Variants in ERGIC1 observed in about 807,000 individuals in gnomAD.
The protein encoded by ERGIC1 is endoplasmic reticulum-golgi intermediate compartment 1, also known as endoplasmic reticulum-Golgi intermediate compartment protein 1.
A neutral mutation model predicts 38.3 loss-of-function variants in ERGIC1; 19 were observed. That is an observed-to-expected ratio of 0.50 (90% CI 0.35 to 0.73). ERGIC1 has a LOEUF of 0.73. Ranked by LOEUF, ERGIC1 falls within the 30% of genes least tolerant of loss-of-function variation. The pLI is 0.01. For synonymous variants in ERGIC1, 124 were observed against 157.6 expected (o/e 0.79, Z 1.60); for missense variants, 294 against 389.2 (o/e 0.76, Z 2.06).
intron 2 of ERGIC1, among the ~76,000 whole-genome samples, chr5:172,894,132 CTTTTT>C (rs781661227): frequency 0.033 from 349 of 10,478 alleles, 6 homozygotes; most frequent in African/African-American, 0.09. Context: ...GCTGATGATA[CTTTTT>C]TTTTTTTTTT....
rs570022178 is a variant in ERGIC1 at position 172,906,590 on chromosome 5, A to G, written c.156-3077A>G. On this transcript the variant is annotated intron_variant, in intron 3 of 9. Transcript: ENST00000393784. ...CACACCGGGTGCTAGGGGCGCAAAGATGTGGTCTTAGTAAAAACGAAATTC... is the reference window on the plus strand; with the variant it reads ...CACACCGGGTGCTAGGGGCGCAAAGGTGTGGTCTTAGTAAAAACGAAATTC... 2.0e-5 allele frequency among the ~76,000 whole-genome samples: 3 copies of G among 152,174 alleles called. No individual in the cohort carries two copies. In the South Asian group the frequency reaches 6.2e-4, roughly 32 times the overall value.
chr5:172,945,667 TTG>T (rs1304944950), intron 9 of ERGIC1, among the ~76,000 whole-genome samples: 176 of 152,060 alleles, frequency 1.2e-3, no homozygotes, highest in African/African-American at 3.9e-3. Flanking sequence ...CGCAGGGGTT[TTG>T]TCGTTTTATT....
rs1561694767 is a variant in ERGIC1 at position 172,834,589 on chromosome 5, C to CA, written c.20+156_20+157insA. On this transcript the variant is annotated intron_variant, in intron 1 of 9. Transcript: ENST00000393784. This position sits in a 1 kb window ranked among gnomAD's most constrained non-coding sequence, Gnocchi z 4.1. ...TAGGGACCCCAGGCGAGCCCCCCCC[C>CA]TGCCGCACACGAAGCCAGCCAGAGC... Among the ~76,000 whole-genome samples, 5 of 136,552 alleles carry CA rather than the reference C, an allele frequency of 3.7e-5. No homozygotes were observed. The highest frequency in any genetic ancestry group is 6.4e-5 in the Non-Finnish European group (4 of 62,938). The allele number at this position is 136,552 out of a possible 152,430, so 89.6% of individuals were successfully genotyped here. A position where few individuals can be genotyped will look rare whatever the true frequency, so the allele number is the denominator to read the frequency against.
intron 1 of ERGIC1, among the ~76,000 whole-genome samples, chr5:172,844,836 C>T (rs1000613291): frequency 1.3e-5 from 2 of 152,206 alleles, no homozygotes; most frequent in Non-Finnish European, 2.9e-5. Context: ...GTGACACACC[C>T]TTCCTGCACA....
chr5:172,880,545 C>CA (rs1244946886), intron 1 of ERGIC1, among the ~76,000 whole-genome samples: 1 of 152,116 alleles, frequency 6.6e-6, no homozygotes, highest in Non-Finnish European at 1.5e-5. Flanking sequence ...AGGCTGATCT[C>CA]AAACTCCTGA....
intron 1 of ERGIC1, among the ~76,000 whole-genome samples, chr5:172,841,178 A>G (rs1179341358): frequency 6.6e-6 from 1 of 152,226 alleles, no homozygotes; most frequent in African/African-American, 2.4e-5. Flanking sequence ...CATTGATTGT[A>G]TATGTGGGAA....
chr5:172,919,667 C>T (rs1763461141), intron 5 of ERGIC1, among the ~76,000 whole-genome samples: 1 of 152,212 alleles, frequency 6.6e-6, no homozygotes, highest in South Asian at 2.1e-4. Flanking sequence ...ATAATAATAC[C>T]TCACAGGCTG....
chr5:172,927,569 C>T (rs1763683522), intron 7 of ERGIC1, among the ~76,000 whole-genome samples: 1 of 149,724 alleles, frequency 6.7e-6, no homozygotes, highest in African/African-American at 2.5e-5. Flanking sequence ...CATCTTGCAG[C>T]TCTGCTGTGC....
intron 1 of ERGIC1, among the ~76,000 whole-genome samples, chr5:172,871,970 G>C (rs1762022218): frequency 6.6e-6 from 1 of 152,156 alleles, no homozygotes; most frequent in African/African-American, 2.4e-5. Context: ...AAGCCCTTTT[G>C]CCTGGGATTG....
At chr5:172,852,712 C>A (rs1044655186) in intron 1 of ERGIC1, among the ~76,000 whole-genome samples, 1 of 152,268 alleles carries the variant, frequency 6.6e-6, no homozygotes, top group African/African-American at 2.4e-5. Context: ...TTGCCAACAA[C>A]TTACCGTGTC....
intron 1 of ERGIC1, among the ~76,000 whole-genome samples, chr5:172,885,873 C>T (rs898632723): frequency 3.3e-5 from 5 of 152,174 alleles, no homozygotes; most frequent in Admixed American, 6.5e-5. Flanking sequence ...TCTGCAGACG[C>T]GTCTCATTTG....
At chr5:172,860,922 G>A (rs570991919) in intron 1 of ERGIC1, among the ~76,000 whole-genome samples, 31 of 152,338 alleles carry the variant, frequency 2.0e-4, no homozygotes, top group African/African-American at 7.5e-4. Flanking sequence ...CGGCGAGAGC[G>A]GATGTAGGCT....
intron 1 of ERGIC1, among the ~76,000 whole-genome samples, chr5:172,887,863 G>A (rs2113258349): frequency 6.6e-6 from 1 of 152,320 alleles, no homozygotes. Context: ...GTCTCCATGA[G>A]GCAGACAGCA....
At chr5:172,894,132 C>CTTTT (rs781661227) in intron 2 of ERGIC1, among the ~76,000 whole-genome samples, 158 of 10,480 alleles carry the variant, frequency 0.015, 30 homozygotes, top group African/African-American at 0.052. Flanking sequence ...GCTGATGATA[C>CTTTT]TTTTTTTTTT....
chr5:172,844,050 G>A (rs1042574673), intron 1 of ERGIC1, among the ~76,000 whole-genome samples: 3 of 152,190 alleles, frequency 2.0e-5, no homozygotes, highest in Admixed American at 1.3e-4. Context: ...GTAGGTGGAC[G>A]TGGTAAAACC....
rs558885138 is a variant in ERGIC1 at position 172,902,470 on chromosome 5, C to T, written c.155+5396C>T. On this transcript the variant is annotated intron_variant, in intron 3 of 9. Coordinates refer to ENST00000393784, the MANE Select transcript of ERGIC1 (RefSeq NM_001031711.3). ...CTGAGGGCGTCTGAGTGTGGAGTGA[C>T]GGGTTTATGTCTCAGACAGCTCACC... is the stretch of plus-strand genomic sequence containing the variant. Among the ~76,000 whole-genome samples, 24 of 152,270 alleles carry T rather than the reference C, an allele frequency of 1.6e-4. No individual in the cohort carries two copies. In the South Asian group the frequency reaches 4.3e-3, roughly 28 times the overall value.
intron 5 of ERGIC1, among the ~76,000 whole-genome samples, chr5:172,919,548 G>A (rs1009762126): frequency 6.6e-5 from 10 of 152,216 alleles, no homozygotes; most frequent in African/African-American, 2.4e-4. Context: ...TTGTCCTTTG[G>A]GGTCAGACAG....
At position 172,846,368 on chromosome 5, in the gene ERGIC1, C is replaced by T. The variant is rs1354264404; in HGVS notation, c.20+11935C>T. On this transcript the variant is annotated intron_variant, in intron 1 of 9. Transcript: ENST00000393784. The surrounding 1 kb of genome is among the most constrained non-coding windows in gnomAD (Gnocchi z 4.0). ...GGGCACTTTGAGTCACTTCTGAGCC[C>T]AGCAGCGTAAGATGGGGCAGGAGAA... Among the ~76,000 whole-genome samples, 1 of 152,242 alleles carries T rather than the reference C, an allele frequency of 6.6e-6. No individual in the cohort carries two copies. The highest frequency in any genetic ancestry group is 2.4e-5 in the African/African-American group (1 of 41,456).
At chr5:172,904,926 G>GCCGTCCCTGCCCAGCA (rs1320848659) in intron 3 of ERGIC1, among the ~76,000 whole-genome samples, 6 of 152,198 alleles carry the variant, frequency 3.9e-5, no homozygotes, top group Non-Finnish European at 7.3e-5. Flanking sequence ...AGCGCCTCAG[G>GCCGTCCCTGCCCAGCA]CCGTCCCTGC....
Sources: allele counts gnomAD v4.1 joint callset (sites outside exome capture counted in the v4.1 genomes callset), GRCh38; gene constraint gnomAD v4.1.1; non-coding constraint Gnocchi (gnomAD v3.1); transcripts MANE v1.5; gene names NCBI Gene and HGNC (gene_info 2026-07-23, HGNC 2026-07-21).